The following OGG1 variants were observed in gnomAD, a reference collection of about 807,000 sequenced individuals.
OGG1 encodes the protein N-glycosylase/DNA lyase.
In OGG1, 35 loss-of-function variants were observed where a neutral mutation model predicts 42.3. The ratio of observed to expected loss-of-function variants is 0.83; its 90% CI spans 0.63 to 1.10. The LOEUF (loss-of-function observed/expected upper bound fraction) is 1.10, where lower values mean the gene tolerates loss of function less well. Ranked by LOEUF, OGG1 falls within the 50% of genes least tolerant of loss-of-function variation. OGG1 has a pLI of 0.00. For synonymous variants in OGG1, 189 were observed against 179.0 expected (o/e 1.06, Z -0.44); for missense variants, 484 against 446.7 (o/e 1.08, Z -0.75).
intron 3 of OGG1, among the ~76,000 whole-genome samples, chr3:9,786,391 C>T (rs2078612214): frequency 6.6e-6 from 1 of 152,134 alleles, no homozygotes; most frequent in Non-Finnish European, 1.5e-5. Flanking sequence ...AACATGTACC[C>T]AGACTGTTCC....
At chr3:9,762,775 A>T in intron 7 of OGG1, 1 of 768,098 alleles carries the variant, frequency 1.3e-6, no homozygotes, top group Non-Finnish European at 2.2e-6. Context: ...GAGGCAGTTT[A>T]AAGGTTACAA....
intron 1 of OGG1, chr3:9,750,633 T>C: frequency 2.7e-6 from 2 of 735,378 alleles, no homozygotes; most frequent in Non-Finnish European, 4.5e-6. Context: ...ATGCAGAAGA[T>C]AATAGCACTT....
At chr3:9,786,690 T>C (rs1252001763) in intron 3 of OGG1, among the ~76,000 whole-genome samples, 2 of 152,136 alleles carry the variant, frequency 1.3e-5, no homozygotes, top group African/African-American at 2.4e-5. Context: ...AGGCTACCTT[T>C]GGGGAAAGTT....
chr3:9,774,428 AC>A (rs143484537), intron 2 of OGG1, among the ~76,000 whole-genome samples: 19,779 of 133,012 alleles, frequency 0.15, 1,728 homozygotes, highest in East Asian at 0.44. Flanking sequence ...AAAAAAAAAA[AC>A]AAAACTTTAA....
chr3:9,754,176 C>T (rs1352882733), intron 3 of OGG1, among the ~76,000 whole-genome samples: 1 of 152,174 alleles, frequency 6.6e-6, no homozygotes, highest in Non-Finnish European at 1.5e-5. Flanking sequence ...TGTCCCAGAC[C>T]TAGGTGCAAG....
chr3:9,750,227 C>T lies in OGG1; in HGVS notation c.-60C>T, dbSNP rs2077229077. The T allele has an allele frequency of 6.4e-7, 1 of 1,565,566 alleles. No homozygotes were observed. On this transcript the variant is annotated 5_prime_UTR_variant, in exon 1 of 7. Coordinates refer to ENST00000344629, the MANE Select transcript of OGG1 (RefSeq NM_002542.6). Reference sequence around the variant, plus strand: ...TCCTTGTCTGGGCGGGGTCTTTGGGCGTCGACGAGGCCTGGTTCTGGGTAG... The same window carrying T: ...TCCTTGTCTGGGCGGGGTCTTTGGGTGTCGACGAGGCCTGGTTCTGGGTAG...
chr3:9,754,598 G>A, intron 3 of OGG1, 106 bp from the exon 4 acceptor site: 1 of 1,246,710 alleles, frequency 8.0e-7, no homozygotes, highest in Non-Finnish European at 1.1e-6. Context: ...GGTAGGAGGG[G>A]AACTTAGGAA....
chr3:9,780,249 G>T (rs912427680), intron 2 of OGG1: 3 of 1,234,226 alleles, frequency 2.4e-6, no homozygotes, highest in Admixed American at 2.3e-5. Flanking sequence ...AGAGACTGCC[G>T]CCATTTGAGG....
Position 9,757,081 on chromosome 3 carries a change from G to A in OGG1, c.969G>A (p.Leu323=), listed in dbSNP as rs1412156990. 6.2e-7 allele frequency: 1 copy of A among 1,613,952 alleles called. No individual in the cohort carries two copies. The highest frequency in any genetic ancestry group is 8.5e-7 in the Non-Finnish European group (1 of 1,180,040). The change falls in exon 7 of 7, where the codon CTG becomes CTA. Residue 323 remains leucine, a synonymous_variant. Transcript: ENST00000344629. The surrounding 1 kb of genome is among the most constrained non-coding windows in gnomAD (Gnocchi z 4.5). ...WAQAVLFSAD[L]RQSRHAQEPP... ...TACAGGTGCTGTTCAGTGCCGACCT[G>A]CGCCAATCCCGCCATGCTCAGGAGC...
At chr3:9,759,785 G>C, downstream of OGG1, 1 of 1,614,004 alleles carries the variant, frequency 6.2e-7, no homozygotes, top group Non-Finnish European at 8.5e-7. Flanking sequence ...GATAATGACA[G>C]CATGGTACTG....
In OGG1 at chr3:9,757,013, C is replaced by G. The variant is rs2472042; in HGVS notation, c.949-48C>G. 1 of 1,613,618 alleles carries G rather than the reference C, an allele frequency of 6.2e-7. No individual in the cohort carries two copies. On this transcript the variant is annotated intron_variant, in intron 6 of 6. Transcript: ENST00000344629. The surrounding 1 kb of genome is among the most constrained non-coding windows in gnomAD (Gnocchi z 4.5). ...AACACTGTCACTAGTCTCACCAGCC[C>G]TGACCCCAGTGTACCCTCCTCCCCA... is the stretch of plus-strand genomic sequence containing the variant.
chr3:9,764,621 T>G (rs1362893079), intron 7 of OGG1, among the ~76,000 whole-genome samples: 2 of 123,012 alleles, frequency 1.6e-5, no homozygotes, highest in Non-Finnish European at 3.2e-5. Context: ...GTTTTTGTTT[T>G]TTTTTTGTTT....
At chr3:9,790,566 C>G (rs2078704698), downstream of OGG1, among the ~76,000 whole-genome samples, 1 of 152,220 alleles carries the variant, frequency 6.6e-6, no homozygotes, top group African/African-American at 2.4e-5. Context: ...CCTTAACCAT[C>G]TCTATTTTGC....
downstream of OGG1, chr3:9,757,692 G>C: frequency 6.2e-7 from 1 of 1,614,020 alleles, no homozygotes; most frequent in Non-Finnish European, 8.5e-7. The surrounding 1 kb of genome is among the most constrained non-coding windows in gnomAD (Gnocchi z 4.5). Context: ...GCACCTTTGT[G>C]GACCACCCAT....
chr3:9,757,193 T>C lies in OGG1; in HGVS notation c.*43T>C, dbSNP rs765068156. 3.1e-6 allele frequency: 5 copies of C among 1,613,660 alleles called. No homozygotes were observed. The South Asian group carries it at 5.5e-5, about 18-fold the overall frequency. On this transcript the variant is annotated 3_prime_UTR_variant, in exon 7 of 7. Transcript: ENST00000344629. The surrounding 1 kb of genome is among the most constrained non-coding windows in gnomAD (Gnocchi z 4.5). ...AAGAAATTCCCCAAGCACCTTCCCC[T>C]CCATTCCCCACTTCTCTCTCCCCAT...
chr3:9,775,312 AT>A (rs1379807470), intron 2 of OGG1, among the ~76,000 whole-genome samples: 1 of 152,226 alleles, frequency 6.6e-6, no homozygotes, highest in Admixed American at 6.5e-5. Context: ...AGAAATCACC[AT>A]GTGAAACTTA....
downstream of OGG1, chr3:9,761,655 C>T (rs540971111): frequency 1.1e-5 from 18 of 1,614,120 alleles, no homozygotes; most frequent in African/African-American, 1.3e-4. Flanking sequence ...GTTCCACAGG[C>T]GGTGGAGAGC....
chr3:9,750,870 T>C (rs1337176986), intron 1 of OGG1, 75 bp from the exon 2 acceptor site: 1 of 1,564,520 alleles, frequency 6.4e-7, no homozygotes, highest in Non-Finnish European at 8.8e-7. Context: ...ATGGAGCTAT[T>C]GTAGGATAGG....
chr3:9,790,834 C>T (rs1009119155), downstream of OGG1, among the ~76,000 whole-genome samples: 6 of 152,196 alleles, frequency 3.9e-5, no homozygotes, highest in Non-Finnish European at 8.8e-5. Context: ...TAGGAAACAG[C>T]AATGCTAGCA....
Sources: allele counts gnomAD v4.1 joint callset (sites outside exome capture counted in the v4.1 genomes callset), GRCh38; gene constraint gnomAD v4.1.1; non-coding constraint Gnocchi (gnomAD v3.1); transcripts MANE v1.5; gene names NCBI Gene and HGNC (gene_info 2026-07-23, HGNC 2026-07-21).